MCPH1: variants seen among roughly 807,000 people sequenced by gnomAD.
MCPH1 encodes microcephalin 1.
In MCPH1, 104 loss-of-function variants were observed where a neutral mutation model predicts 84.5. The observed-to-expected ratio is 1.23, with a 90% CI of 1.05 to 1.45. The LOEUF (loss-of-function observed/expected upper bound fraction) is 1.45. Among genes scored for constraint, MCPH1 ranks in the 40% most tolerant of loss-of-function variants. The pLI is 0.00. For synonymous variants in MCPH1, 514 were observed against 366.8 expected (o/e 1.40, Z -4.58); for missense variants, 1,498 against 1,005.7 (o/e 1.49, Z -6.62).
At chr8:6,471,351 G>C (rs1032082569) in intron 9 of MCPH1, among the ~76,000 whole-genome samples, 1 of 152,208 alleles carries the variant, frequency 6.6e-6, no homozygotes, top group African/African-American at 2.4e-5. Flanking sequence ...TAACTAGGAA[G>C]ATGGATTGTT....
At chr8:6,421,087 G>A (rs1453548979) in intron 3 of MCPH1, among the ~76,000 whole-genome samples, 2 of 152,192 alleles carry the variant, frequency 1.3e-5, no homozygotes, top group Admixed American at 1.3e-4. Context: ...CACAGTGCGG[G>A]AATTGAGCAC....
chr8:6,603,200 G>A (rs965558657), intron 12 of MCPH1, among the ~76,000 whole-genome samples: 1 of 152,062 alleles, frequency 6.6e-6, no homozygotes, highest in Non-Finnish European at 1.5e-5. Context: ...CTGAGGTCTT[G>A]GGGCTCATAG....
intron 12 of MCPH1, among the ~76,000 whole-genome samples, chr8:6,592,623 G>GTTTTTTTTTTTTTTTTTT (rs573651366): frequency 3.6e-4 from 28 of 77,546 alleles, no homozygotes; most frequent in African/African-American, 5.9e-4. Flanking sequence ...TCTTTTTTTT[G>GTTTTTTTTTTTTTTTTTT]TTTTTTTTTT....
At chr8:6,434,544 T>C (rs1802360045) in intron 4 of MCPH1, among the ~76,000 whole-genome samples, 1 of 152,242 alleles carries the variant, frequency 6.6e-6, no homozygotes, top group South Asian at 2.1e-4. Flanking sequence ...TTATTTATTA[T>C]GTTTATTTGC....
At position 6,442,080 on chromosome 8, in the gene MCPH1, T is replaced by A. The variant is rs746642260; in HGVS notation, c.594T>A (p.Ile198=). 1 of 1,612,418 alleles carries A rather than the reference T, an allele frequency of 6.2e-7. No individual in the cohort carries two copies. The highest frequency in any genetic ancestry group is 1.3e-5 in the African/African-American group (1 of 75,028). The stretch of plus-strand genomic sequence containing the variant: ...TCCTGTTTTTAGCTTCCCAAATGAT[T>A]CAGCAGTCTCATGATAATCCAAGTA... ...ENLSPTSSQM[I]QQSHDNPSNS... The change falls in exon 7 of 14, where the codon ATT becomes ATA. Residue 198 remains isoleucine (I), a synonymous_variant. Coordinates refer to ENST00000344683, the MANE Select transcript of MCPH1 (RefSeq NM_024596.5).
chr8:6,463,055 C>T lies in MCPH1; in HGVS notation c.1935+7803C>T, dbSNP rs116250448. On this transcript the variant is annotated intron_variant, in intron 9 of 13. Coordinates refer to ENST00000344683, the MANE Select transcript of MCPH1 (RefSeq NM_024596.5). ...GTTGGACTTACTGACCACAGGCATG[C>T]CAGAGCCAAAATAGAGTCTTGGGCA... Among the ~76,000 whole-genome samples the T allele has an allele frequency of 3.1e-3, 472 of 152,270 alleles. 5 individuals carry two copies. The highest frequency in any genetic ancestry group is 0.01 in the African/African-American group (431 of 41,562).
chr8:6,454,849 G>A (rs1239893237), intron 8 of MCPH1, among the ~76,000 whole-genome samples: 2 of 152,182 alleles, frequency 1.3e-5, no homozygotes, highest in Admixed American at 1.3e-4. Flanking sequence ...TAAGTTTGAC[G>A]AGTGCGTAAG....
chr8:6,632,913 C>G (rs966494445), intron 13 of MCPH1, among the ~76,000 whole-genome samples: 4 of 151,696 alleles, frequency 2.6e-5, no homozygotes, highest in African/African-American at 4.8e-5. Flanking sequence ...GTGGTTTAAC[C>G]TAAGAATGAA....
At chr8:6,419,173 AC>A (rs1799787141) in intron 3 of MCPH1, among the ~76,000 whole-genome samples, 1 of 38,386 alleles carries the variant, frequency 2.6e-5, no homozygotes, top group Non-Finnish European at 1.4e-4. Flanking sequence ...ACACACACAC[AC>A]ACACACACAC....
rs1164226735 is a variant in MCPH1, at chr8:6,623,013, C to CTTTT, written c.2452+1339_2452+1342dup. Among the ~76,000 whole-genome samples, 1,003 of 109,740 alleles carry CTTTT rather than the reference C, an allele frequency of 9.1e-3. 6 individuals are homozygous for CTTTT. The highest frequency in any genetic ancestry group is 0.015 in the African/African-American group (430 of 27,928). 72.0% of individuals were successfully genotyped at this position (109,740 alleles called of 152,430 possible). A position where few individuals can be genotyped will look rare whatever the true frequency, so the allele number is the denominator to read the frequency against. ...ACACCACGATGCCCAGCTTTACTTT[C>CTTTT]TTTTTTTTTTTTTTTTTTTTGTAGA... is the stretch of plus-strand genomic sequence containing the variant. On this transcript the variant is annotated intron_variant, in intron 13 of 13. Transcript: ENST00000344683.
chr8:6,474,938 C>T (rs1808239750), intron 9 of MCPH1, among the ~76,000 whole-genome samples: 1 of 152,164 alleles, frequency 6.6e-6, no homozygotes, highest in South Asian at 2.1e-4. Context: ...AAATATTTAC[C>T]TAAATGTGTG....
At chr8:6,461,552 C>T (rs1806300312) in intron 9 of MCPH1, among the ~76,000 whole-genome samples, 1 of 150,822 alleles carries the variant, frequency 6.6e-6, no homozygotes. Context: ...GTTGGCCAGG[C>T]TGGTTTTGAA....
chr8:6,642,992 A>G lies in MCPH1; in HGVS notation c.2453-2A>G. ...CTAAACTGCTTTTCGCTCTCTCTCTAGATTCCATCACCCAGCACAAGGTCT... is the reference window on the plus strand; with the variant it reads ...CTAAACTGCTTTTCGCTCTCTCTCTGGATTCCATCACCCAGCACAAGGTCT... On this transcript the variant is annotated splice_acceptor_variant, in intron 13 of 13. Coordinates refer to ENST00000344683, the MANE Select transcript of MCPH1 (RefSeq NM_024596.5). LOFTEE classifies it high-confidence loss of function. The G allele has an allele frequency of 6.2e-7, 1 of 1,613,980 alleles. No homozygotes were observed. Among genetic ancestry groups the G allele is most frequent in the Non-Finnish European group, 8.5e-7 (1 of 1,179,890 alleles).
intron 12 of MCPH1, among the ~76,000 whole-genome samples, chr8:6,525,014 G>A (rs1423196997): frequency 6.6e-6 from 1 of 152,212 alleles, no homozygotes; most frequent in East Asian, 1.9e-4. Flanking sequence ...AAAGCTCTAT[G>A]TAAAATGAAG....
chr8:6,474,098 C>T, intron 9 of MCPH1: 3 of 772,430 alleles, frequency 3.9e-6, no homozygotes, highest in Middle Eastern at 3.7e-4. Context: ...TATGTGAAAC[C>T]AGCGTTCAGG....
chr8:6,504,146 G>A (rs1334269763), intron 12 of MCPH1, among the ~76,000 whole-genome samples: 5 of 151,694 alleles, frequency 3.3e-5, no homozygotes, highest in South Asian at 2.1e-4. Context: ...GTGAAACCCC[G>A]TCTCTACTAA....
At chr8:6,634,335 C>T (rs922075269) in intron 13 of MCPH1, among the ~76,000 whole-genome samples, 17 of 152,198 alleles carry the variant, frequency 1.1e-4, no homozygotes, top group African/African-American at 3.6e-4. Context: ...AACTCATTGA[C>T]GAGTTTGCCA....
At chr8:6,488,659 C>T (rs767689656) in intron 11 of MCPH1, among the ~76,000 whole-genome samples, 3 of 152,068 alleles carry the variant, frequency 2.0e-5, no homozygotes, top group African/African-American at 4.8e-5. Context: ...CCTGAGGCAC[C>T]GGGAGTGAGG....
At chr8:6,491,529 G>GT (rs1351391623) in intron 11 of MCPH1, among the ~76,000 whole-genome samples, 3 of 151,102 alleles carry the variant, frequency 2.0e-5, no homozygotes, top group Non-Finnish European at 4.4e-5. Context: ...CAACATGCAG[G>GT]TTTGTTACAT....
Sources: allele counts gnomAD v4.1 joint callset (sites outside exome capture counted in the v4.1 genomes callset), GRCh38; gene constraint gnomAD v4.1.1; transcripts MANE v1.5; gene names NCBI Gene and HGNC (gene_info 2026-07-23, HGNC 2026-07-21).